Variants in C7 observed in about 807,000 individuals in gnomAD.
The protein encoded by C7 is complement component C7.
In C7, 83 loss-of-function variants were observed where a neutral mutation model predicts 104.8. The observed-to-expected ratio is 0.79, with a 90% confidence interval of 0.66 to 0.95. The LOEUF (loss-of-function observed/expected upper bound fraction) is 0.95. Ranked by LOEUF, C7 falls within the 40% of genes least tolerant of loss-of-function variation. The probability of loss-of-function intolerance (pLI) is 0.00; values close to 1 mark genes in which losing one functional copy is unlikely to be tolerated. For missense variants in C7, 1,070 were observed against 1,011.2 expected, an observed-to-expected ratio of 1.06 and a Z score of -0.79; for synonymous variants, 415 against 360.6, an observed-to-expected ratio of 1.15 and a Z score of -1.71.
At chr5:40,933,758 C>T (rs1421743352) in intron 3 of C7, among the ~76,000 whole-genome samples, 3 of 152,154 alleles carry the variant, frequency 2.0e-5, no homozygotes, top group East Asian at 3.8e-4. Context: ...GTTTCCTTAA[C>T]TCTGCTTCAT....
At chr5:40,934,678 G>A (rs1226144746) in intron 4 of C7, among the ~76,000 whole-genome samples, 1 of 152,104 alleles carries the variant, frequency 6.6e-6, no homozygotes, top group Admixed American at 6.6e-5. Context: ...AATAAACATA[G>A]GAATGCTCTT....
At chr5:40,963,346 C>T (rs548368596) in intron 13 of C7, among the ~76,000 whole-genome samples, 23 of 152,272 alleles carry the variant, frequency 1.5e-4, no homozygotes, top group African/African-American at 4.3e-4. Context: ...GATATACAGC[C>T]GCATTTGTGC....
intron 2 of C7, among the ~76,000 whole-genome samples, chr5:40,929,346 G>A (rs1190317412): frequency 6.6e-6 from 1 of 152,120 alleles, no homozygotes; most frequent in African/African-American, 2.4e-5. Flanking sequence ...CCATGTTTGG[G>A]GAAGCCCTCT....
chr5:40,964,583 A>G, intron 13 of C7, 158 bp from the exon 14 acceptor site: 2 of 612,608 alleles, frequency 3.3e-6, no homozygotes, highest in South Asian at 4.2e-5. Flanking sequence ...AGTGTTACTA[A>G]CTATATAGGG....
intron 1 of C7, among the ~76,000 whole-genome samples, chr5:40,920,929 A>G (rs779058540): frequency 1.3e-5 from 2 of 152,028 alleles, no homozygotes; most frequent in Admixed American, 1.3e-4. Context: ...CACGCCTATA[A>G]TCTCAGCTAC....
rs116246382 is a variant in C7, at chr5:40,912,713, C to T, written c.6+3097C>T. The stretch of plus-strand genomic sequence containing the variant: ...TGTTAGAAATAATTATTTTCATTAT[C>T]CACATTTTGGCTGAGAGTCAAAGGC... On this transcript the variant is annotated intron_variant, in intron 1 of 17. Transcript: ENST00000313164. 4.2e-3 allele frequency among the ~76,000 whole-genome samples: 637 copies of T among 152,252 alleles called. 4 individuals carry two copies. The highest frequency in any genetic ancestry group is 0.014 in the African/African-American group (601 of 41,538).
intron 1 of C7, among the ~76,000 whole-genome samples, chr5:40,927,602 G>A (rs1252081893): frequency 2.0e-5 from 3 of 151,960 alleles, no homozygotes. Context: ...GGAGTTGGAA[G>A]TAAAGTAAAA....
intron 6 of C7, among the ~76,000 whole-genome samples, chr5:40,943,971 A>G (rs1369192862): frequency 6.6e-6 from 1 of 152,186 alleles, no homozygotes; most frequent in African/African-American, 2.4e-5. Flanking sequence ...GATTGTGGTT[A>G]ATAGCATCTT....
chr5:40,973,972 C>CA lies in C7; in HGVS notation c.2074+1385dup, dbSNP rs575966636. On this transcript the variant is annotated intron_variant, in intron 15 of 17. Coordinates refer to ENST00000313164, the MANE Select transcript of C7 (RefSeq NM_000587.4). ...TAACTACTTCTAAGCCTATAACAAACAAAAAAATCCAAGACTTACCAGCTT... is the reference window on the plus strand; with the variant it reads ...TAACTACTTCTAAGCCTATAACAAACAAAAAAAATCCAAGACTTACCAGCTT... Among the ~76,000 whole-genome samples, 140 of 152,082 alleles carry CA rather than the reference C, an allele frequency of 9.2e-4. 1 individual carries two copies. The highest frequency in any genetic ancestry group is 3.0e-3 in the African/African-American group (124 of 41,538).
chr5:40,965,574 CTT>C (rs1005024819), intron 14 of C7, among the ~76,000 whole-genome samples: 3 of 151,232 alleles, frequency 2.0e-5, no homozygotes, highest in African/African-American at 7.3e-5. Context: ...ATCAAGCTTG[CTT>C]TTGTCCTTAC....
chr5:40,976,321 C>T (rs1740818902), intron 15 of C7, among the ~76,000 whole-genome samples: 1 of 152,186 alleles, frequency 6.6e-6, no homozygotes, highest in South Asian at 2.1e-4. Flanking sequence ...GCACCAGCTT[C>T]TTGAAAGGGA....
rs184499642 is a variant in C7, at chr5:40,975,328, G to A, written c.2075-1422G>A. Among the ~76,000 whole-genome samples the A allele has an allele frequency of 3.2e-4, 48 of 149,212 alleles. No homozygotes were observed. In the South Asian group the frequency reaches 5.3e-3, roughly 17 times the overall value. ...TCTAGGGTCCAGTTCAGGGTACTAC[G>A]TTGCATTTAGGATAATACCATTTTA... On this transcript the variant is annotated intron_variant, in intron 15 of 17. Transcript: ENST00000313164.
At chr5:40,928,341 T>C (rs1739603024) in intron 1 of C7, among the ~76,000 whole-genome samples, 1 of 152,156 alleles carries the variant, frequency 6.6e-6, no homozygotes, top group African/African-American at 2.4e-5. Context: ...TATAGTTAAA[T>C]TGGGGTATCA....
intron 14 of C7, among the ~76,000 whole-genome samples, chr5:40,970,263 T>C (rs999020456): frequency 2.0e-5 from 3 of 152,252 alleles, no homozygotes; most frequent in African/African-American, 7.2e-5. Flanking sequence ...CTGATGACAG[T>C]GCTGTAAAGA....
At chr5:40,955,687 T>C in intron 10 of C7, 134 bp downstream of exon 10, 1 of 688,812 alleles carries the variant, frequency 1.5e-6, no homozygotes. Flanking sequence ...TTATATTTTG[T>C]AGAGTAAAAT....
At chr5:40,942,346 A>G (rs1318668524) in intron 6 of C7, among the ~76,000 whole-genome samples, 8 of 152,186 alleles carry the variant, frequency 5.3e-5, no homozygotes, top group Non-Finnish European at 4.4e-5. Flanking sequence ...GGAACAATCA[A>G]TCCATCTAAT....
At chr5:40,931,509 CT>C (rs1443255974) in intron 3 of C7, among the ~76,000 whole-genome samples, 1 of 152,240 alleles carries the variant, frequency 6.6e-6, no homozygotes, top group African/African-American at 2.4e-5. Flanking sequence ...AACTTTTCTT[CT>C]CATCTCAAAC....
chr5:40,946,868 G>C (rs1333466675), intron 7 of C7, among the ~76,000 whole-genome samples: 1 of 151,764 alleles, frequency 6.6e-6, no homozygotes, highest in Non-Finnish European at 1.5e-5. Flanking sequence ...GACCAGCCTG[G>C]CCAACATGAT....
intron 8 of C7, 22 bp downstream of exon 8, chr5:40,947,867 T>C (rs1740084596): frequency 1.2e-6 from 2 of 1,606,372 alleles, no homozygotes; most frequent in Non-Finnish European, 1.7e-6. Flanking sequence ...AAAAATTCGT[T>C]GTCTAAAGGC....
Sources: allele counts gnomAD v4.1 joint callset (sites outside exome capture counted in the v4.1 genomes callset), GRCh38; gene constraint gnomAD v4.1.1; transcripts MANE v1.5; gene names NCBI Gene and HGNC (gene_info 2026-07-23, HGNC 2026-07-21).